Variants in NCEH1 observed in about 807,000 individuals in gnomAD.
NCEH1 encodes neutral cholesterol ester hydrolase 1.
A neutral mutation model predicts 25.4 loss-of-function variants in NCEH1; 9 were observed. The ratio of observed to expected loss-of-function variants is 0.35; its 90% confidence interval spans 0.21 to 0.62. The LOEUF (loss-of-function observed/expected upper bound fraction) is 0.62. NCEH1 is among the 20% of genes least tolerant of loss of function. The pLI, the probability that NCEH1 is intolerant of heterozygous loss-of-function variation, is 0.72. For missense variants in NCEH1, 412 were observed against 501.1 expected (o/e 0.82, Z 1.70); for synonymous variants, 200 against 199.8 (o/e 1.00, Z -0.01).
chr3:172,653,735 GTTTTTTTTGTT>G (rs1410414421), intron 1 of NCEH1, among the ~76,000 whole-genome samples: 4 of 71,024 alleles, frequency 5.6e-5, no homozygotes, highest in African/African-American at 2.0e-4. Context: ...TTGTTGTTCT[GTTTTTTTTGTT>G]TTTTTGTTTT....
intron 1 of NCEH1, among the ~76,000 whole-genome samples, chr3:172,658,079 G>C (rs1717785463): frequency 6.6e-6 from 1 of 152,130 alleles, no homozygotes; most frequent in African/African-American, 2.4e-5. Flanking sequence ...CAAAACACAG[G>C]TCATAGAGAC....
At chr3:172,707,637 G>A (rs1714078400) in intron 1 of NCEH1, among the ~76,000 whole-genome samples, 1 of 152,096 alleles carries the variant, frequency 6.6e-6, no homozygotes, top group Non-Finnish European at 1.5e-5. Context: ...CCAGGCTGGA[G>A]TGCAGTGGCC....
chr3:172,645,625 A>C lies in NCEH1; in HGVS notation c.435T>G (p.Ile145Met). The change falls in exon 3 of 5, where the codon ATT becomes ATG. Residue 145 changes from isoleucine to methionine, a missense_variant and splice_region_variant. Ile to Met is a conservative substitution (Grantham distance 10). This residue lies in a region of NCEH1 where 178 missense variants were observed against 189.2 expected (regional missense o/e 0.94). Coordinates refer to ENST00000475381, the MANE Select transcript of NCEH1 (RefSeq NM_020792.6). Reference sequence around the variant, plus strand: ...TATGACTAGCATTAATTACTTACTCAATGGAAACAATGACAGCATTCAATT... The same window carrying C: ...TATGACTAGCATTAATTACTTACTCCATGGAAACAATGACAGCATTCAATT... ...AEELNAVIVS[I>M]EYRLVPKVYF... is the part of the protein sequence containing the mutation. 2 of 1,589,164 alleles carry C rather than the reference A, an allele frequency of 1.3e-6. No individual in the cohort carries two copies. The highest frequency in any genetic ancestry group is 1.7e-6 in the Non-Finnish European group (2 of 1,162,968).
At chr3:172,643,418 CAT>C (rs1226730442) in intron 3 of NCEH1, among the ~76,000 whole-genome samples, 1 of 152,150 alleles carries the variant, frequency 6.6e-6, no homozygotes, top group Non-Finnish European at 1.5e-5. Flanking sequence ...CCATTTTGCA[CAT>C]GAGTTTAAAT....
At chr3:172,662,750 C>T (rs1417266686) in intron 1 of NCEH1, among the ~76,000 whole-genome samples, 3 of 152,110 alleles carry the variant, frequency 2.0e-5, no homozygotes, top group Admixed American at 1.3e-4. Flanking sequence ...AGTTTATTTG[C>T]GTAGAGGTGT....
intron 1 of NCEH1, among the ~76,000 whole-genome samples, chr3:172,695,305 C>T (rs1003896908): frequency 1.6e-4 from 25 of 152,332 alleles, no homozygotes; most frequent in African/African-American, 5.3e-4. Context: ...TTTAATTTAA[C>T]AAAATGTCAT....
At chr3:172,706,025 A>C (rs1713963152) in intron 1 of NCEH1, among the ~76,000 whole-genome samples, 1 of 151,502 alleles carries the variant, frequency 6.6e-6, no homozygotes, top group South Asian at 2.1e-4. Context: ...AAAAAAAAAA[A>C]AAAAAAACCC....
intron 1 of NCEH1, among the ~76,000 whole-genome samples, chr3:172,672,807 C>T (rs1387836498): frequency 1.3e-5 from 2 of 152,236 alleles, no homozygotes; most frequent in African/African-American, 4.8e-5. Context: ...ATCAGTGTGG[C>T]AGGCCAGGGT....
At chr3:172,649,930 T>A (rs1216589206) in intron 1 of NCEH1, among the ~76,000 whole-genome samples, 2 of 152,260 alleles carry the variant, frequency 1.3e-5, no homozygotes, top group African/African-American at 4.8e-5. Flanking sequence ...ACAAATTACA[T>A]GAGTTTCTTT....
chr3:172,708,462 T>C (rs1226330762), intron 1 of NCEH1, among the ~76,000 whole-genome samples: 1 of 152,192 alleles, frequency 6.6e-6, no homozygotes, highest in Non-Finnish European at 1.5e-5. Flanking sequence ...TTCAAGCGAT[T>C]CTCCTGCCTC....
At chr3:172,640,438 A>G (rs1478717696) in intron 3 of NCEH1, among the ~76,000 whole-genome samples, 1 of 152,192 alleles carries the variant, frequency 6.6e-6, no homozygotes, top group Non-Finnish European at 1.5e-5. Flanking sequence ...TTTCCTTTCT[A>G]CTGTTGCATC....
intron 1 of NCEH1, among the ~76,000 whole-genome samples, chr3:172,676,155 T>A (rs1711981684): frequency 6.6e-6 from 1 of 152,086 alleles, no homozygotes; most frequent in Admixed American, 6.6e-5. Flanking sequence ...ATAATACAGG[T>A]GTTACTTAAA....
chr3:172,658,684 T>C (rs1333994792), intron 1 of NCEH1, among the ~76,000 whole-genome samples: 1 of 152,068 alleles, frequency 6.6e-6, no homozygotes, highest in Middle Eastern at 3.2e-3. Context: ...TAACAAAATC[T>C]AGCTCAGAGA....
At position 172,630,701 on chromosome 3, in the gene NCEH1, A is replaced by G. The variant is rs1716305859; in HGVS notation, c.*2774T>C. 1 of 152,236 alleles carries G rather than the reference A, an allele frequency of 6.6e-6. No individual in the cohort carries two copies. Among genetic ancestry groups the G allele is most frequent in the African/African-American group, 2.4e-5 (1 of 41,460 alleles). The allele number at this position is 152,236 out of a possible 1,614,324, so 9.4% of individuals were successfully genotyped here. On this transcript the variant is annotated 3_prime_UTR_variant, in exon 5 of 5. Transcript: ENST00000475381. Reference sequence around the variant, plus strand: ...TTTCCAAACATGATTCAGAATAGATAGATGCTTTGCTACCTCCACACTGGA... The same window carrying G: ...TTTCCAAACATGATTCAGAATAGATGGATGCTTTGCTACCTCCACACTGGA...
intron 1 of NCEH1, among the ~76,000 whole-genome samples, chr3:172,691,353 C>G (rs1253596655): frequency 2.4e-5 from 1 of 42,160 alleles, no homozygotes; most frequent in East Asian, 1.2e-3. Context: ...TCATTATGAG[C>G]TTCTAGATCT....
At chr3:172,682,642 G>A (rs1199510417) in intron 1 of NCEH1, among the ~76,000 whole-genome samples, 3 of 152,190 alleles carry the variant, frequency 2.0e-5, no homozygotes, top group Non-Finnish European at 4.4e-5. Context: ...GAAGAAGGAT[G>A]TATAACGTAT....
chr3:172,706,339 T>C (rs984463332), intron 1 of NCEH1, among the ~76,000 whole-genome samples: 1 of 152,160 alleles, frequency 6.6e-6, no homozygotes, highest in African/African-American at 2.4e-5. Context: ...TTTTGATATA[T>C]AAATAGTGTA....
chr3:172,671,181 T>A (rs886107594), intron 1 of NCEH1, among the ~76,000 whole-genome samples: 1 of 152,174 alleles, frequency 6.6e-6, no homozygotes, highest in African/African-American at 2.4e-5. Flanking sequence ...ACCCAATTAT[T>A]TTTTGGAGGT....
chr3:172,678,736 C>A (rs779888231), intron 1 of NCEH1, among the ~76,000 whole-genome samples: 9 of 152,172 alleles, frequency 5.9e-5, no homozygotes, highest in Non-Finnish European at 8.8e-5. Flanking sequence ...AGGGGCACAA[C>A]TGCAGGCTTC....
Sources: allele counts gnomAD v4.1 joint callset (sites outside exome capture counted in the v4.1 genomes callset), GRCh38; gene constraint gnomAD v4.1.1; regional missense constraint gnomAD v4.1.1; transcripts MANE v1.5; gene names NCBI Gene and HGNC (gene_info 2026-07-23, HGNC 2026-07-21).